SOX6: variants seen among roughly 807,000 people sequenced by gnomAD.
SOX6 encodes SRY-box transcription factor 6.
In SOX6, 11 loss-of-function variants were observed where a neutral mutation model predicts 97.8. The observed-to-expected ratio is 0.11, with a 90% CI of 0.07 to 0.19. The LOEUF is 0.19. Ranked by LOEUF, SOX6 falls within the 10% of genes least tolerant of loss-of-function variation. The pLI is 1.00. For synonymous variants in SOX6, 360 were observed against 371.4 expected (o/e 0.97, Z 0.35); for missense variants, 810 against 1,039.5 (o/e 0.78, Z 3.04).
At chr11:16,219,001 C>T (rs1852457924) in intron 4 of SOX6, among the ~76,000 whole-genome samples, 1 of 152,072 alleles carries the variant, frequency 6.6e-6, no homozygotes, top group South Asian at 2.1e-4. Context: ...CAGAACCTTT[C>T]AGCATTAGGG....
At chr11:16,534,404 T>C (rs564987997) in intron 4 of SOX6, among the ~76,000 whole-genome samples, 5 of 152,242 alleles carry the variant, frequency 3.3e-5, no homozygotes, top group Admixed American at 3.3e-4. Context: ...GAAGTTGGAC[T>C]TAGGTTTCTT....
chr11:16,162,101 T>C (rs1439962844), intron 6 of SOX6, among the ~76,000 whole-genome samples: 3 of 152,230 alleles, frequency 2.0e-5, no homozygotes, highest in Non-Finnish European at 2.9e-5. Context: ...TTCAGGATGA[T>C]GGATAGCAAC....
intron 4 of SOX6, among the ~76,000 whole-genome samples, chr11:16,590,502 A>C (rs913109272): frequency 6.6e-6 from 1 of 152,196 alleles, no homozygotes; most frequent in African/African-American, 2.4e-5. Flanking sequence ...TTGTAGCAAA[A>C]TGTTGAAGCC....
chr11:15,977,253 G>A (rs1853512926), intron 15 of SOX6, among the ~76,000 whole-genome samples: 2 of 151,896 alleles, frequency 1.3e-5, no homozygotes, highest in South Asian at 4.2e-4. Flanking sequence ...CTATCTCAGT[G>A]TGACCTCCCC....
At chr11:16,081,523 A>G (rs1460316831) in intron 9 of SOX6, among the ~76,000 whole-genome samples, 1 of 152,158 alleles carries the variant, frequency 6.6e-6, no homozygotes, top group Non-Finnish European at 1.5e-5. Context: ...CTCTCATTAC[A>G]TGATGTAAAA....
chr11:16,415,108 GA>G (rs1858900396), intron 1 of SOX6, among the ~76,000 whole-genome samples: 1 of 152,026 alleles, frequency 6.6e-6, no homozygotes, highest in Non-Finnish European at 1.5e-5. Flanking sequence ...AAATGAGTAA[GA>G]AAATATGAAG....
intron 12 of SOX6, among the ~76,000 whole-genome samples, chr11:16,041,695 A>AGTAGGAACAAAAGCT (rs1287034392): frequency 3.3e-5 from 5 of 152,192 alleles, no homozygotes; most frequent in Non-Finnish European, 7.4e-5. Flanking sequence ...ATATTAAATA[A>AGTAGGAACAAAAGCT]GTAGGAACAA....
intron 4 of SOX6, among the ~76,000 whole-genome samples, chr11:16,566,108 A>AG (rs1847871526): frequency 6.6e-6 from 1 of 151,822 alleles, no homozygotes; most frequent in African/African-American, 2.4e-5. Context: ...AAAAAAAAAA[A>AG]AAAAAGAAAT....
chr11:16,138,076 C>G (rs1850022009), intron 6 of SOX6, among the ~76,000 whole-genome samples: 1 of 152,168 alleles, frequency 6.6e-6, no homozygotes, highest in Admixed American at 6.5e-5. Flanking sequence ...ATACATATTT[C>G]TTCACATTTA....
At chr11:16,059,744 G>A (rs1847900010) in intron 9 of SOX6, among the ~76,000 whole-genome samples, 1 of 151,924 alleles carries the variant, frequency 6.6e-6, no homozygotes, top group Non-Finnish European at 1.5e-5. Context: ...TCAGTGCTTT[G>A]CTAGCACTTA....
Position 16,672,435 on chromosome 11 carries a change from A to G in SOX6, n.429+42395T>C, listed in dbSNP as rs1222111556. ...ATACCTGAGACTGGGCAATTTACAA[A>G]ACAAACAGATTTAATTGGACTCACA... On this transcript the variant is annotated intron_variant and non_coding_transcript_variant, in intron 3 of 5. Transcript: ENST00000524520. Among the ~76,000 whole-genome samples, 8 of 152,254 alleles carry G rather than the reference A, an allele frequency of 5.3e-5. 1 individual carries two copies. The highest frequency in any genetic ancestry group is 2.9e-5 in the Non-Finnish European group (2 of 68,036).
chr11:16,215,309 A>G (rs191978877), intron 4 of SOX6, among the ~76,000 whole-genome samples: 2 of 152,350 alleles, frequency 1.3e-5, no homozygotes, highest in Admixed American at 6.5e-5. Flanking sequence ...CTATGGGAAT[A>G]GTAGTAAGGA....
Position 16,461,856 on chromosome 11 carries a change from T to C in SOX6, c.-5+14459A>G, listed in dbSNP as rs150835073. Among the ~76,000 whole-genome samples the C allele has an allele frequency of 8.5e-3, 1,292 of 152,306 alleles. 21 individuals carry two copies. The highest frequency in any genetic ancestry group is 0.028 in the African/African-American group (1,178 of 41,560). On this transcript the variant is annotated intron_variant, in intron 1 of 15. Coordinates refer to the SOX6 transcript ENST00000396356. Reference sequence around the variant, plus strand: ...ATTAGCATTTTCCTTCTTTGAGCCATGCATTGGTTCACTTAGACACTAGCG... The same window carrying C: ...ATTAGCATTTTCCTTCTTTGAGCCACGCATTGGTTCACTTAGACACTAGCG...
At chr11:16,115,080 A>G (rs1189395180) in intron 6 of SOX6, among the ~76,000 whole-genome samples, 1 of 152,204 alleles carries the variant, frequency 6.6e-6, no homozygotes, top group Non-Finnish European at 1.5e-5. Context: ...TATGTTAGAA[A>G]CTTCAAATAC....
At chr11:16,135,870 A>G (rs1281524506) in intron 6 of SOX6, among the ~76,000 whole-genome samples, 1 of 152,178 alleles carries the variant, frequency 6.6e-6, no homozygotes, top group Admixed American at 6.5e-5. Context: ...ATCTTTCGTG[A>G]AAGAGTCAAT....
chr11:15,993,055 A>C (rs1318202577), intron 13 of SOX6, among the ~76,000 whole-genome samples: 2 of 152,316 alleles, frequency 1.3e-5, no homozygotes, highest in East Asian at 3.9e-4. Context: ...AAAATGGTTA[A>C]AGAATTGTTG....
At chr11:16,676,592 A>G (rs1253454696) in intron 3 of SOX6, among the ~76,000 whole-genome samples, 1 of 152,004 alleles carries the variant, frequency 6.6e-6, no homozygotes, top group Non-Finnish European at 1.5e-5. Flanking sequence ...TTAGTTAGTG[A>G]CTTTTCTAAA....
intron 7 of SOX6, among the ~76,000 whole-genome samples, chr11:16,106,372 GTA>G (rs747934353): frequency 3.3e-5 from 5 of 151,376 alleles, no homozygotes; most frequent in South Asian, 2.1e-4. Flanking sequence ...ATGTGTGTGT[GTA>G]TATATATATA....
chr11:16,350,706 A>T (rs1159435961), intron 1 of SOX6, among the ~76,000 whole-genome samples: 2 of 152,210 alleles, frequency 1.3e-5, no homozygotes, highest in African/African-American at 4.8e-5. Flanking sequence ...AAATGCTTAC[A>T]TAGCATAAGC....
Sources: allele counts gnomAD v4.1 joint callset (sites outside exome capture counted in the v4.1 genomes callset), GRCh38; gene constraint gnomAD v4.1.1; transcripts MANE v1.5; gene names NCBI Gene and HGNC (gene_info 2026-07-23, HGNC 2026-07-21).